CSMD1: variants seen among roughly 807,000 people sequenced by gnomAD.
CSMD1 encodes CUB and sushi domain-containing protein 1.
A neutral mutation model predicts 417.5 loss-of-function variants in CSMD1; 213 were observed. That is an observed-to-expected ratio of 0.51 (90% CI 0.46 to 0.57). The LOEUF (loss-of-function observed/expected upper bound fraction) is 0.57, where lower values mean the gene tolerates loss of function less well. CSMD1 is among the 20% of genes least tolerant of loss of function. The pLI, the probability that CSMD1 is intolerant of heterozygous loss-of-function variation, is 0.00. For missense variants in CSMD1, 6,923 were observed against 4,529.7 expected (o/e 1.53, Z -15.17); for synonymous variants, 2,862 against 1,736.8 (o/e 1.65, Z -16.11).
At chr8:3,312,599 C>G (rs946824351) in intron 23 of CSMD1, among the ~76,000 whole-genome samples, 5 of 152,090 alleles carry the variant, frequency 3.3e-5, no homozygotes, top group African/African-American at 1.2e-4. Flanking sequence ...GAATCATAGG[C>G]CTTTACAATG....
At chr8:4,912,867 C>T (rs1048159708) in intron 1 of CSMD1, among the ~76,000 whole-genome samples, 2 of 152,058 alleles carry the variant, frequency 1.3e-5, no homozygotes, top group Non-Finnish European at 2.9e-5. Context: ...CTTACTACAA[C>T]CTCCACCTCC....
chr8:3,162,728 AAG>A (rs1358072851), intron 37 of CSMD1, among the ~76,000 whole-genome samples: 17 of 151,984 alleles, frequency 1.1e-4, no homozygotes, highest in Admixed American at 2.6e-4. Context: ...AAAAAAAAAA[AAG>A]AGAAAAAATA....
chr8:3,920,577 T>C (rs1035211092), intron 5 of CSMD1, among the ~76,000 whole-genome samples: 22 of 152,168 alleles, frequency 1.4e-4, no homozygotes, highest in African/African-American at 5.3e-4. Context: ...AGAAATGCTT[T>C]CAGCTTTTCA....
intron 7 of CSMD1, among the ~76,000 whole-genome samples, chr8:3,664,904 A>G (rs979587158): frequency 2.0e-5 from 3 of 152,198 alleles, no homozygotes; most frequent in Admixed American, 6.5e-5. Flanking sequence ...CAAAAAATAC[A>G]TCACAATTTC....
chr8:3,638,825 C>A (rs1368171413), intron 7 of CSMD1, among the ~76,000 whole-genome samples: 1 of 152,152 alleles, frequency 6.6e-6, no homozygotes, highest in African/African-American at 2.4e-5. Context: ...TCCTTCCTCA[C>A]ACCTTGTCTC....
At chr8:4,341,098 A>C (rs182332108) in intron 3 of CSMD1, among the ~76,000 whole-genome samples, 1 of 152,092 alleles carries the variant, frequency 6.6e-6, no homozygotes, top group Non-Finnish European at 1.5e-5. Flanking sequence ...GAGAATAGAG[A>C]TATCTCATTT....
At chr8:4,031,419 T>A (rs1209001170) in intron 4 of CSMD1, among the ~76,000 whole-genome samples, 5 of 152,170 alleles carry the variant, frequency 3.3e-5, no homozygotes, top group Middle Eastern at 3.2e-3. Context: ...CTCCTCTTTT[T>A]AAAACCATCA....
At chr8:3,524,174 C>G (rs777915378) in intron 10 of CSMD1, among the ~76,000 whole-genome samples, 1 of 151,830 alleles carries the variant, frequency 6.6e-6, no homozygotes, top group Non-Finnish European at 1.5e-5. Context: ...GACGTGCACA[C>G]ACATGCACAT....
intron 1 of CSMD1, among the ~76,000 whole-genome samples, chr8:4,678,958 G>C (rs1214827368): frequency 6.6e-6 from 1 of 152,160 alleles, no homozygotes; most frequent in African/African-American, 2.4e-5. Context: ...AACCTTACCA[G>C]CTATGCTAAG....
intron 2 of CSMD1, among the ~76,000 whole-genome samples, chr8:4,563,355 C>T (rs1441240556): frequency 4.6e-5 from 7 of 152,090 alleles, no homozygotes; most frequent in African/African-American, 1.4e-4. Context: ...GAGCTCAGAT[C>T]GTGCCGCTGC....
intron 3 of CSMD1, among the ~76,000 whole-genome samples, chr8:4,181,674 G>A (rs555851074): frequency 3.7e-4 from 56 of 152,094 alleles, no homozygotes; most frequent in African/African-American, 1.3e-3. Flanking sequence ...GAATAATATT[G>A]ACTCAATTCA....
Position 4,994,316 on chromosome 8 carries a change from A to G in CSMD1, c.85+16T>C, listed in dbSNP as rs751636501. ...GGGCTCTACCGCCTCCCCGGCCAGG[A>G]GCAAGTCCGTCTTACCCTTCGCTGC... is the stretch of plus-strand genomic sequence containing the variant. On this transcript the variant is annotated intron_variant, in intron 1 of 69. Transcript: ENST00000635120. 3.7e-6 allele frequency: 6 copies of G among 1,607,384 alleles called. No homozygotes were observed. The highest frequency in any genetic ancestry group is 2.2e-5 in the South Asian group (2 of 91,026).
chr8:3,254,691 T>A (rs906741105), intron 26 of CSMD1, among the ~76,000 whole-genome samples: 1 of 152,236 alleles, frequency 6.6e-6, no homozygotes, highest in Non-Finnish European at 1.5e-5. Flanking sequence ...CATTTGTCAC[T>A]TAGTTCTCGA....
chr8:4,257,195 T>C (rs1033188814), intron 3 of CSMD1, among the ~76,000 whole-genome samples: 2 of 21,180 alleles, frequency 9.4e-5, no homozygotes, highest in African/African-American at 4.0e-4. Flanking sequence ...GTACTACATT[T>C]TTAAGCATGA....
At chr8:4,223,237 A>G (rs1661895390) in intron 3 of CSMD1, among the ~76,000 whole-genome samples, 1 of 152,038 alleles carries the variant, frequency 6.6e-6, no homozygotes, top group African/African-American at 2.4e-5. Flanking sequence ...TGCTTCTTGA[A>G]CATTTATCTT....
In CSMD1 at chr8:3,772,189, TACACACAC is replaced by T. The variant is rs66499504; in HGVS notation, c.819-18155_819-18148del. The stretch of plus-strand genomic sequence containing the variant: ...CAACATATATATATATATATATATA[TACACACAC>T]ACACACACACACACACACATATAAT... On this transcript the variant is annotated intron_variant, in intron 5 of 69. Transcript: ENST00000635120. Among the ~76,000 whole-genome samples, 20 of 100,914 alleles carry T rather than the reference TACACACAC, an allele frequency of 2.0e-4. 1 individual carries two copies. The highest frequency in any genetic ancestry group is 4.9e-4 in the African/African-American group (12 of 24,266). The allele number at this position is 100,914 out of a possible 152,430, so 66.2% of individuals were successfully genotyped here.
intron 25 of CSMD1, among the ~76,000 whole-genome samples, chr8:3,303,961 ATT>A (rs992646525): frequency 5.0e-5 from 6 of 120,768 alleles, no homozygotes; most frequent in African/African-American, 1.4e-4. Context: ...TATAATAACT[ATT>A]TTGGGGTATT....
intron 3 of CSMD1, among the ~76,000 whole-genome samples, chr8:4,289,017 T>A (rs999696631): frequency 3.9e-5 from 6 of 152,302 alleles, no homozygotes; most frequent in African/African-American, 1.4e-4. Flanking sequence ...TTTCAAGCTA[T>A]CTGTTCAAGC....
chr8:4,624,630 T>A (rs1377760827), intron 2 of CSMD1, among the ~76,000 whole-genome samples: 2 of 152,184 alleles, frequency 1.3e-5, no homozygotes, highest in Non-Finnish European at 2.9e-5. Context: ...CATTTTTGCC[T>A]GGCAACGGTG....
Sources: gnomAD v4.1 joint callset for allele counts (sites outside exome capture counted in the v4.1 genomes callset) on GRCh38, gnomAD v4.1.1 for gene constraint, MANE v1.5 for transcripts, NCBI Gene and HGNC (gene_info 2026-07-23, HGNC 2026-07-21) for gene names.